SIAE: variants seen among roughly 807,000 people sequenced by gnomAD.
SIAE encodes the protein sialate O-acetylesterase.
Under a neutral mutation model 52.6 loss-of-function variants are expected in SIAE, and 39 were observed. That is an observed-to-expected ratio of 0.74 (90% CI 0.57 to 0.97). The LOEUF is 0.97. SIAE is among the 50% of genes least tolerant of loss of function. The pLI, the probability that SIAE is intolerant of heterozygous loss-of-function variation, is 0.00. For synonymous variants in SIAE, 233 were observed against 241.4 expected (o/e 0.97, Z 0.32); for missense variants, 592 against 662.1 (o/e 0.89, Z 1.16).
In SIAE at chr11:124,636,809, A is replaced by C; in HGVS notation, c.*142T>G. On this transcript the variant is annotated 3_prime_UTR_variant, in exon 10 of 10. Transcript: ENST00000263593. ...TAAGCCTGGGCTCATCAGAATATAG[A>C]AACAGCCATGTGCTAGCTGAAAGCC... is the stretch of plus-strand genomic sequence containing the variant. 1 of 1,209,832 alleles carries C rather than the reference A, an allele frequency of 8.3e-7. No individual in the cohort carries two copies. Among genetic ancestry groups the C allele is most frequent in the Non-Finnish European group, 1.2e-6 (1 of 828,596 alleles). The allele number at this position is 1,209,832 out of a possible 1,614,324, so 74.9% of individuals were successfully genotyped here.
intron 6 of SIAE, 136 bp downstream of exon 6, chr11:124,647,930 C>T (rs1033343071): frequency 5.8e-5 from 44 of 758,950 alleles, no homozygotes; most frequent in Non-Finnish European, 8.9e-5. Flanking sequence ...ATAAAAACTA[C>T]CCTGCTCACC....
At chr11:124,659,711 TAAGG>T (rs1226035698) in intron 3 of SIAE, 1 of 146,736 alleles carries the variant, frequency 6.8e-6, no homozygotes, top group Admixed American at 7.0e-5. Context: ...AAAATGTTGA[TAAGG>T]AAGACTTCAA....
At chr11:124,656,784 G>A (rs955553933) in intron 3 of SIAE, among the ~76,000 whole-genome samples, 7 of 152,008 alleles carry the variant, frequency 4.6e-5, no homozygotes, top group Non-Finnish European at 8.8e-5. Context: ...AAGGGCCAAC[G>A]GGAGCATCAG....
intron 2 of SIAE, among the ~76,000 whole-genome samples, chr11:124,666,858 G>A (rs973517677): frequency 6.6e-6 from 1 of 152,158 alleles, no homozygotes; most frequent in Admixed American, 6.5e-5. Flanking sequence ...CAAGATAAAT[G>A]AGCAGCTTCA....
chr11:124,651,547 CAAAA>C (rs35688416), intron 4 of SIAE, among the ~76,000 whole-genome samples: 2 of 81,598 alleles, frequency 2.5e-5, no homozygotes, highest in African/African-American at 3.1e-5. Context: ...GACTCCGTCT[CAAAA>C]AAAAAAAAAA....
At chr11:124,648,381 C>T (rs980921608) in intron 5 of SIAE, among the ~76,000 whole-genome samples, 6 of 152,026 alleles carry the variant, frequency 3.9e-5, no homozygotes, top group African/African-American at 9.7e-5. Context: ...ATAAGTGTAT[C>T]GGTCAGCTTT....
rs760918757 is a variant in SIAE at position 124,660,431 on chromosome 11, C to G, written c.405+197G>C. The G allele has an allele frequency of 4.4e-6, 3 of 678,350 alleles. No individual in the cohort carries two copies. In the South Asian group the frequency reaches 4.5e-5, roughly 10 times the overall value. The allele number at this position is 678,350 out of a possible 1,614,324, so 42.0% of individuals were successfully genotyped here. ...TACATTAGCACCAATCAATAACTACCAATTTAATCAATAGCTTATCTCTTA... is the reference window on the plus strand; with the variant it reads ...TACATTAGCACCAATCAATAACTACGAATTTAATCAATAGCTTATCTCTTA... On this transcript the variant is annotated intron_variant, in intron 3 of 9. Transcript: ENST00000263593.
chr11:124,675,123 A>C, upstream of SIAE: 1 of 1,078,224 alleles, frequency 9.3e-7, no homozygotes, highest in Non-Finnish European at 1.3e-6. Flanking sequence ...TGTGTTAGGG[A>C]AAAAAGAATT....
At chr11:124,665,963 C>T (rs1943268133) in intron 2 of SIAE, among the ~76,000 whole-genome samples, 1 of 152,116 alleles carries the variant, frequency 6.6e-6, no homozygotes, top group East Asian at 1.9e-4. Context: ...TAGACAGACA[C>T]ACCCTCATTT....
At position 124,660,490 on chromosome 11, in the gene SIAE, A is replaced by T. The variant is rs1314113047; in HGVS notation, c.405+138T>A. ...AAGTCAAATTAATGAATTCATTCAA[A>T]GCATTTAGAACATATCTTGGCTCAT... is the stretch of plus-strand genomic sequence containing the variant. On this transcript the variant is annotated intron_variant, in intron 3 of 9. Coordinates refer to ENST00000263593, the MANE Select transcript of SIAE (RefSeq NM_170601.5). 3.7e-6 allele frequency: 3 copies of T among 810,492 alleles called. No homozygotes were observed. The Admixed American group carries it at 5.8e-5, about 16-fold the overall frequency. The allele number at this position is 810,492 out of a possible 1,614,324, so 50.2% of individuals were successfully genotyped here.
At chr11:124,666,111 G>C (rs1943270745) in intron 2 of SIAE, among the ~76,000 whole-genome samples, 1 of 152,138 alleles carries the variant, frequency 6.6e-6, no homozygotes, top group African/African-American at 2.4e-5. Context: ...CCCAGTACCT[G>C]ACCATGGTGC....
At chr11:124,675,236 A>G, upstream of SIAE, 2 of 1,599,608 alleles carry the variant, frequency 1.3e-6, no homozygotes, top group South Asian at 1.1e-5. Flanking sequence ...ATGAATCTTT[A>G]GGTTCCATAG....
intron 1 of SIAE, among the ~76,000 whole-genome samples, chr11:124,673,168 A>G (rs546753767): frequency 3.5e-4 from 53 of 152,272 alleles, no homozygotes; most frequent in African/African-American, 1.3e-3. Context: ...TAACCACTTA[A>G]ACGAGTAAAA....
chr11:124,663,279 TA>T (rs2134385818), intron 2 of SIAE, among the ~76,000 whole-genome samples: 1 of 151,794 alleles, frequency 6.6e-6, no homozygotes, highest in Admixed American at 6.6e-5. Flanking sequence ...ACAGTTCATT[TA>T]AAACAATAAG....
intron 5 of SIAE, among the ~76,000 whole-genome samples, chr11:124,648,453 T>C (rs1206991636): frequency 2.7e-5 from 4 of 150,904 alleles, no homozygotes; most frequent in African/African-American, 9.9e-5. Flanking sequence ...TGCTTTATTG[T>C]TGAGTTTCTC....
intron 3 of SIAE, among the ~76,000 whole-genome samples, chr11:124,656,655 TTA>T (rs1415306801): frequency 4.8e-5 from 7 of 145,452 alleles, no homozygotes; most frequent in Admixed American, 3.3e-4. Context: ...GACTTTTTAG[TTA>T]TTTTTTTATT....
intron 2 of SIAE, among the ~76,000 whole-genome samples, chr11:124,662,093 C>A (rs1943193934): frequency 6.6e-6 from 1 of 152,210 alleles, no homozygotes; most frequent in African/African-American, 2.4e-5. Context: ...CTCTTAAAAG[C>A]ATAAGCAACT....
At chr11:124,641,320 C>T (rs2134355421) in intron 7 of SIAE, among the ~76,000 whole-genome samples, 1 of 152,314 alleles carries the variant, frequency 6.6e-6, no homozygotes, top group East Asian at 1.9e-4. Flanking sequence ...ACTGCTCACA[C>T]TTCACATGTT....
chr11:124,644,836 G>A (rs750471459), intron 7 of SIAE, among the ~76,000 whole-genome samples: 3 of 152,138 alleles, frequency 2.0e-5, no homozygotes, highest in South Asian at 2.1e-4. Flanking sequence ...TGGTCTCTCC[G>A]TGGAACTCAC....
Sources: gnomAD v4.1 joint callset for allele counts (sites outside exome capture counted in the v4.1 genomes callset) on GRCh38, gnomAD v4.1.1 for gene constraint, MANE v1.5 for transcripts, NCBI Gene and HGNC (gene_info 2026-07-23, HGNC 2026-07-21) for gene names.